TMEM94: variants seen among roughly 807,000 people sequenced by gnomAD.
The protein encoded by TMEM94 is ER Mg2+ ATPase.
A neutral mutation model predicts 158.6 loss-of-function variants in TMEM94; 81 were observed. The ratio of observed to expected loss-of-function variants is 0.51; its 90% CI spans 0.43 to 0.61. TMEM94 has a LOEUF of 0.61. TMEM94 is among the 20% of genes least tolerant of loss of function. The probability of loss-of-function intolerance (pLI) is 0.00; values close to 1 mark genes in which losing one functional copy is unlikely to be tolerated. For synonymous variants in TMEM94, 751 were observed against 730.7 expected, an observed-to-expected ratio of 1.03 and a Z score of -0.45; for missense variants, 1,435 against 1,762.0, an observed-to-expected ratio of 0.81 and a Z score of 3.32.
chr17:75,490,188 C>G, intron 9 of TMEM94, 46 bp from the exon 10 acceptor site: 1 of 1,607,254 alleles, frequency 6.2e-7, no homozygotes, highest in Non-Finnish European at 8.5e-7. Flanking sequence ...CCCTCCTCCC[C>G]AGGCCCGGAG....
chr17:75,487,890 C>A lies in TMEM94; in HGVS notation c.410-42C>A. The A allele has an allele frequency of 6.5e-7, 1 of 1,545,058 alleles. No homozygotes were observed. Among genetic ancestry groups the A allele is most frequent in the Non-Finnish European group, 8.9e-7 (1 of 1,120,040 alleles). On this transcript the variant is annotated intron_variant, in intron 5 of 31. Coordinates refer to ENST00000314256, the MANE Select transcript of TMEM94 (RefSeq NM_014738.6). This position sits in a 1 kb window ranked among gnomAD's most constrained non-coding sequence, Gnocchi z 4.6. ...TGCTGTATCTGACTGGGGGGCAGGG[C>A]CGTGGCTGAGAGGGTTGTTTCCCTC...
At chr17:75,468,229 A>G (rs143336554) in intron 1 of TMEM94, among the ~76,000 whole-genome samples, 304 of 152,336 alleles carry the variant, frequency 2.0e-3, no homozygotes, top group African/African-American at 6.9e-3. Context: ...ACAGTTAAGA[A>G]TGGCTGTCTC....
intron 2 of TMEM94, among the ~76,000 whole-genome samples, chr17:75,481,442 G>A (rs367747260): frequency 1.3e-5 from 2 of 152,222 alleles, no homozygotes; most frequent in African/African-American, 4.8e-5. Context: ...GCCAGGCCCC[G>A]TCCCTCAGGC....
chr17:75,496,000 C>T lies in TMEM94; in HGVS notation c.2979C>T (p.Tyr993=), dbSNP rs770419936. ...AGATGATAAAGATCATGCAAGAGTA[C>T]GGGGAGGTGACCTGCTGCCTGGGCA... The part of the protein sequence containing the change: ...MCEMIKIMQE[Y]GEVTCCLGSS... The change falls in exon 23 of 32, where the codon TAC becomes TAT. Residue 993 remains tyrosine, a synonymous_variant. Coordinates refer to ENST00000314256, the MANE Select transcript of TMEM94 (RefSeq NM_014738.6). The surrounding 1 kb of genome is among the most constrained non-coding windows in gnomAD (Gnocchi z 5.6). 89 of 1,613,242 alleles carry T rather than the reference C, an allele frequency of 5.5e-5. No individual in the cohort carries two copies. Among genetic ancestry groups the T allele is most frequent in the Admixed American group, 6.7e-5 (4 of 59,994 alleles).
chr17:75,485,779 C>A lies in TMEM94; in HGVS notation c.145-92C>A. 6.8e-7 allele frequency: 1 copy of A among 1,465,626 alleles called. No homozygotes were observed. The highest frequency in any genetic ancestry group is 9.2e-7 in the Non-Finnish European group (1 of 1,091,944). The allele number at this position is 1,465,626 out of a possible 1,614,324, so 90.8% of individuals were successfully genotyped here. A position where few individuals can be genotyped will look rare whatever the true frequency, so the allele number is the denominator to read the frequency against. Reference sequence around the variant, plus strand: ...CGAGGTCAAAGAGAGGGGACCAAGGCGGCCATGGGGGCTGGGAAGGGTGCC... The same window carrying A: ...CGAGGTCAAAGAGAGGGGACCAAGGAGGCCATGGGGGCTGGGAAGGGTGCC... On this transcript the variant is annotated intron_variant, in intron 3 of 31. Coordinates refer to ENST00000314256, the MANE Select transcript of TMEM94 (RefSeq NM_014738.6). The surrounding 1 kb of genome is among the most constrained non-coding windows in gnomAD (Gnocchi z 5.5).
Position 75,495,199 on chromosome 17 carries a change from A to T in TMEM94, c.2729-85A>T, listed in dbSNP as rs2052568284. 2 of 1,401,096 alleles carry T rather than the reference A, an allele frequency of 1.4e-6. No individual in the cohort carries two copies. Among genetic ancestry groups the T allele is most frequent in the Non-Finnish European group, 1.9e-6 (2 of 1,025,822 alleles). 86.8% of individuals were successfully genotyped at this position (1,401,096 alleles called of 1,614,324 possible). A position where few individuals can be genotyped will look rare whatever the true frequency, so the allele number is the denominator to read the frequency against. ...AACAGTAGTCAGCAGGAAGGAGTGG[A>T]CACAGGCAAAAAATTCTCTGCAGGG... is the stretch of plus-strand genomic sequence containing the variant. On this transcript the variant is annotated intron_variant, in intron 20 of 31. Transcript: ENST00000314256. This position sits in a 1 kb window ranked among gnomAD's most constrained non-coding sequence, Gnocchi z 5.6.
Position 75,498,231 on chromosome 17 carries a change from C to G in TMEM94, c.3546C>G (p.Ser1182=), listed in dbSNP as rs1344599087. Residue 1182 remains serine, a synonymous_variant, in exon 28 of 32, where the codon TCC becomes TCG. Coordinates refer to ENST00000314256, the MANE Select transcript of TMEM94 (RefSeq NM_014738.6). This position sits in a 1 kb window ranked among gnomAD's most constrained non-coding sequence, Gnocchi z 6.7. ...FLLKFSLTIS[S]CLICFGFTLQ... ...TCAAGTTCAGCCTCACCATCAGCTCCTGCCTCATCTGCTTTGGCTTCACAC... is the reference window on the plus strand; with the variant it reads ...TCAAGTTCAGCCTCACCATCAGCTCGTGCCTCATCTGCTTTGGCTTCACAC... The G allele has an allele frequency of 1.2e-6, 2 of 1,613,824 alleles. No homozygotes were observed. The highest frequency in any genetic ancestry group is 1.7e-6 in the Non-Finnish European group (2 of 1,180,038).
At position 75,498,433 on chromosome 17, in the gene TMEM94, C is replaced by G; in HGVS notation, c.3639-11C>G. 1 of 1,591,392 alleles carries G rather than the reference C, an allele frequency of 6.3e-7. No individual in the cohort carries two copies. The highest frequency in any genetic ancestry group is 1.7e-5 in the Admixed American group (1 of 58,376). On this transcript the variant is annotated splice_polypyrimidine_tract_variant and intron_variant, in intron 28 of 31. Coordinates refer to ENST00000314256, the MANE Select transcript of TMEM94 (RefSeq NM_014738.6). The surrounding 1 kb of genome is among the most constrained non-coding windows in gnomAD (Gnocchi z 6.7). ...CCCTAGAGGGGCTGAGCCCATGCCT[C>G]ACTTTGGCAGCAACGACGACAGGGC...
At position 75,483,717 on chromosome 17, in the gene TMEM94, A is replaced by G. The variant is rs1006718037; in HGVS notation, c.25-1711A>G. Among the ~76,000 whole-genome samples, 9 of 152,208 alleles carry G rather than the reference A, an allele frequency of 5.9e-5. No individual in the cohort carries two copies. The East Asian group carries it at 1.5e-3, about 26-fold the overall frequency. On this transcript the variant is annotated intron_variant, in intron 2 of 31. Coordinates refer to ENST00000314256, the MANE Select transcript of TMEM94 (RefSeq NM_014738.6). ...TGACCTCAAGTAGTGCACCCATCTC[A>G]GCTTCCCAAAGTGCTGGGATTACAG...
Position 75,494,824 on chromosome 17 carries a change from C to A in TMEM94, c.2589+16C>A. 6.2e-7 allele frequency: 1 copy of A among 1,613,050 alleles called. No individual in the cohort carries two copies. The highest frequency in any genetic ancestry group is 2.2e-5 in the East Asian group (1 of 44,864). ...CAAAAGCAAGGTGGGGAGAGCCATC[C>A]CTTCTGCCACCACTAACTCTGTTTC... On this transcript the variant is annotated intron_variant, in intron 19 of 31. Coordinates refer to ENST00000314256, the MANE Select transcript of TMEM94 (RefSeq NM_014738.6).
In TMEM94 at chr17:75,499,313, G is replaced by T. The variant is rs774003417; in HGVS notation, c.4050G>T (p.Leu1350=). ...KRQKLQFETK[L]GMNSPF is the part of the protein sequence containing the mutation. ...AGAAGCTGCAGTTTGAAACTAAGCTGGGCATGAACTCTCCCTTCTGAGCCA... is the reference window on the plus strand; with the variant it reads ...AGAAGCTGCAGTTTGAAACTAAGCTTGGCATGAACTCTCCCTTCTGAGCCA... The change falls in exon 32 of 32, where the codon CTG becomes CTT. Residue 1350 remains leucine (L), a synonymous_variant. Coordinates refer to ENST00000314256, the MANE Select transcript of TMEM94 (RefSeq NM_014738.6). 1.4e-5 allele frequency: 22 copies of T among 1,613,612 alleles called. No individual in the cohort carries two copies. In the Admixed American group the frequency reaches 2.2e-4, roughly 16 times the overall value.
chr17:75,478,306 C>T (rs1440812111), intron 2 of TMEM94, among the ~76,000 whole-genome samples: 3 of 139,854 alleles, frequency 2.1e-5, no homozygotes, highest in East Asian at 2.1e-4. Context: ...CGTGAGCCAC[C>T]GCGCCCGGCC....
intron 1 of TMEM94, among the ~76,000 whole-genome samples, chr17:75,458,224 C>T (rs967393498): frequency 2.6e-5 from 4 of 151,752 alleles, no homozygotes; most frequent in African/African-American, 7.3e-5. Context: ...ACAGGAACAG[C>T]GTGGAGGCAG....
intron 1 of TMEM94, among the ~76,000 whole-genome samples, chr17:75,465,035 C>T (rs1389205397): frequency 6.6e-6 from 1 of 151,826 alleles, no homozygotes; most frequent in Non-Finnish European, 1.5e-5. Flanking sequence ...GGTCTCACTC[C>T]GTTTCCCAGG....
In TMEM94 at chr17:75,456,996, C is replaced by G. The variant is rs554924105; in HGVS notation, c.-107+245C>G. On this transcript the variant is annotated intron_variant, in intron 1 of 31. Transcript: ENST00000314256. ...GCCCTGGATTGGTCCATTGTGGGGT[C>G]TCTCGCCAGAAATAAAGCCTCTCGC... Among the ~76,000 whole-genome samples, 10 of 152,308 alleles carry G rather than the reference C, an allele frequency of 6.6e-5. No homozygotes were observed. In the East Asian group the frequency reaches 1.9e-3, roughly 29 times the overall value.
chr17:75,475,604 G>A (rs1303279639), intron 2 of TMEM94, among the ~76,000 whole-genome samples: 1 of 152,234 alleles, frequency 6.6e-6, no homozygotes, highest in Non-Finnish European at 1.5e-5. Context: ...GTCCCTGAAT[G>A]ATGCCTCTGG....
In TMEM94 at chr17:75,486,294, G is replaced by T; in HGVS notation, c.277G>T (p.Gly93Trp). ...GCCTCTCTTTCCTCCCACCAGCCGT[G>T]GGGTGGGGCTGGTGAATGCCTCGGC... ...CCGGQPAGSRGVGLVNASALF... is the reference protein window; with the variant it reads ...CCGGQPAGSRWVGLVNASALF... The change falls in exon 5 of 32, where the codon GGG becomes TGG. Residue 93 changes from glycine to tryptophan, a missense_variant. By Grantham distance (184) the Gly-to-Trp change is radical. Coordinates refer to ENST00000314256, the MANE Select transcript of TMEM94 (RefSeq NM_014738.6). The T allele has an allele frequency of 6.2e-7, 1 of 1,614,102 alleles. No individual in the cohort carries two copies.
Position 75,485,371 on chromosome 17 carries a change from G to T in TMEM94, c.25-57G>T. On this transcript the variant is annotated intron_variant, in intron 2 of 31. Transcript: ENST00000314256. This position sits in a 1 kb window ranked among gnomAD's most constrained non-coding sequence, Gnocchi z 5.5. ...AGGGAAGGGGAGGGTTGGGGCCCGCGTGCCTTGCATAGCCTTGGCCTGGCA... is the reference window on the plus strand; with the variant it reads ...AGGGAAGGGGAGGGTTGGGGCCCGCTTGCCTTGCATAGCCTTGGCCTGGCA... The T allele has an allele frequency of 6.3e-7, 1 of 1,582,056 alleles. No homozygotes were observed. Among genetic ancestry groups the T allele is most frequent in the South Asian group, 1.1e-5 (1 of 89,952 alleles).
In TMEM94 at chr17:75,466,976, G is replaced by GTT. The variant is rs539661751; in HGVS notation, c.-106-4810_-106-4809dup. On this transcript the variant is annotated intron_variant, in intron 1 of 31. Transcript: ENST00000314256. ...ATTTTTATTAGAATAATTTCTAAAGGTTTTTTTTTTTTTTTGAGACTGAGT... is the reference window on the plus strand; with the variant it reads ...ATTTTTATTAGAATAATTTCTAAAGGTTTTTTTTTTTTTTTTTGAGACTGAGT... Among the ~76,000 whole-genome samples, 231 of 137,214 alleles carry GTT rather than the reference G, an allele frequency of 1.7e-3. 1 individual carries two copies. Among genetic ancestry groups the GTT allele is most frequent in the Admixed American group, 1.1e-3 (15 of 13,600 alleles). 90.0% of individuals were successfully genotyped at this position (137,214 alleles called of 152,430 possible). A position where few individuals can be genotyped will look rare whatever the true frequency, so the allele number is the denominator to read the frequency against.
Sources: allele counts gnomAD v4.1 joint callset (sites outside exome capture counted in the v4.1 genomes callset), GRCh38; gene constraint gnomAD v4.1.1; non-coding constraint Gnocchi (gnomAD v3.1); transcripts MANE v1.5; gene names NCBI Gene and HGNC (gene_info 2026-07-23, HGNC 2026-07-21).